SLC31A1: variants seen among roughly 807,000 people sequenced by gnomAD.
SLC31A1 encodes high affinity copper uptake protein 1.
Under a neutral mutation model 17.2 loss-of-function variants are expected in SLC31A1, and 5 were observed. The ratio of observed to expected loss-of-function variants is 0.29; its 90% CI spans 0.15 to 0.61. The LOEUF (loss-of-function observed/expected upper bound fraction) is 0.61. Ranked by LOEUF, SLC31A1 falls within the 20% of genes least tolerant of loss-of-function variation. The pLI is 0.86. For synonymous variants in SLC31A1, 76 were observed against 78.8 expected, an observed-to-expected ratio of 0.96 and a Z score of 0.19; for missense variants, 161 against 241.4, an observed-to-expected ratio of 0.67 and a Z score of 2.21.
At chr9:113,230,375 G>A (rs1831388681) in intron 1 of SLC31A1, among the ~76,000 whole-genome samples, 1 of 152,076 alleles carries the variant, frequency 6.6e-6, no homozygotes, top group South Asian at 2.1e-4. Flanking sequence ...AGATCCTATG[G>A]CCTCAGCCTA....
At chr9:113,223,369 G>C in intron 1 of SLC31A1, 1 of 360,000 alleles carries the variant, frequency 2.8e-6, no homozygotes, top group South Asian at 2.2e-5. Flanking sequence ...CTAAATTCGT[G>C]TATCTTCAGA....
chr9:113,252,994 C>T (rs1268540552), intron 1 of SLC31A1, among the ~76,000 whole-genome samples: 22 of 143,360 alleles, frequency 1.5e-4, no homozygotes, highest in African/African-American at 5.5e-4. Flanking sequence ...TGCTCTGTAG[C>T]CCAAGCTGGA....
chr9:113,250,704 G>A (rs1831641316), intron 1 of SLC31A1, among the ~76,000 whole-genome samples: 2 of 150,430 alleles, frequency 1.3e-5, no homozygotes, highest in South Asian at 2.1e-4. Flanking sequence ...AAAAAAAAAA[G>A]GAATCCTAAG....
chr9:113,248,462 C>CTTT (rs34154634), intron 1 of SLC31A1, among the ~76,000 whole-genome samples: 5,500 of 86,524 alleles, frequency 0.064, 483 homozygotes, highest in African/African-American at 0.098. Flanking sequence ...GAAAGCAGTC[C>CTTT]TTTTTTTTTT....
At position 113,231,563 on chromosome 9, in the gene SLC31A1, CAA is replaced by C. The variant is rs11308804; in HGVS notation, c.-36+9898_-36+9899del. On this transcript the variant is annotated intron_variant, in intron 1 of 4. Coordinates refer to ENST00000374212, the MANE Select transcript of SLC31A1 (RefSeq NM_001859.4). ...GGGACAACAGAATATGATCTTGTCT[CAA>C]AAAAAAAAAAAATGGGGAAATTATT... Among the ~76,000 whole-genome samples the C allele has an allele frequency of 7.8e-3, 1,090 of 138,870 alleles. 4 individuals carry two copies. Among genetic ancestry groups the C allele is most frequent in the Non-Finnish European group, 0.012 (779 of 62,940 alleles). The allele number at this position is 138,870 out of a possible 152,430, so 91.1% of individuals were successfully genotyped here.
intron 1 of SLC31A1, among the ~76,000 whole-genome samples, chr9:113,251,217 G>A (rs1259605627): frequency 6.6e-6 from 1 of 152,138 alleles, no homozygotes; most frequent in Non-Finnish European, 1.5e-5. Context: ...GAGGTCAGGA[G>A]TTCAACACCA....
Position 113,260,298 on chromosome 9 carries a change from T to C in SLC31A1, c.398T>C (p.Leu133Pro). The C allele has an allele frequency of 6.2e-7, 1 of 1,614,108 alleles. No homozygotes were observed. Among genetic ancestry groups the C allele is most frequent in the Non-Finnish European group, 8.5e-7 (1 of 1,179,984 alleles). ...VGQQMLSFPH[L>P]LQTVLHIIQV... Reference sequence around the variant, plus strand: ...CAACAGATGCTGAGCTTTCCTCACCTCCTGCAAACAGTGCTGCACATCATC... The same window carrying C: ...CAACAGATGCTGAGCTTTCCTCACCCCCTGCAAACAGTGCTGCACATCATC... The change falls in exon 5 of 5, where the codon CTC becomes CCC. Residue 133 changes from leucine to proline, a missense_variant. Leu to Pro is a moderately conservative substitution (Grantham distance 98, BLOSUM62 -3). Transcript: ENST00000374212.
chr9:113,236,489 G>A (rs914477851), intron 1 of SLC31A1, among the ~76,000 whole-genome samples: 12 of 151,974 alleles, frequency 7.9e-5, no homozygotes, highest in Admixed American at 2.0e-4. Flanking sequence ...TCAACCTCCC[G>A]AGTAGCTGGG....
At chr9:113,249,775 C>T (rs1422743756) in intron 1 of SLC31A1, among the ~76,000 whole-genome samples, 1 of 152,010 alleles carries the variant, frequency 6.6e-6, no homozygotes. Flanking sequence ...GCAACCTACT[C>T]ATCTGACAAA....
rs869088669 is a variant in SLC31A1, at chr9:113,234,480, ATTT to A, written c.-36+12828_-36+12830del. ...GCATGAACCACCGCTCCTGGCCATC[ATTT>A]TTTTTTTTTTTTTTTTTTTTTTTTT... On this transcript the variant is annotated intron_variant, in intron 1 of 4. Coordinates refer to ENST00000374212, the MANE Select transcript of SLC31A1 (RefSeq NM_001859.4). Among the ~76,000 whole-genome samples, 33 of 60,242 alleles carry A rather than the reference ATTT, an allele frequency of 5.5e-4. 1 individual carries two copies. Among genetic ancestry groups the A allele is most frequent in the African/African-American group, 2.3e-3 (33 of 14,068 alleles). 39.5% of individuals were successfully genotyped at this position (60,242 alleles called of 152,430 possible). A position where few individuals can be genotyped will look rare whatever the true frequency, so the allele number is the denominator to read the frequency against.
intron 1 of SLC31A1, among the ~76,000 whole-genome samples, chr9:113,245,162 A>G (rs1831563173): frequency 6.6e-6 from 1 of 152,236 alleles, no homozygotes; most frequent in African/African-American, 2.4e-5. Context: ...CAGCTAGAAT[A>G]TCAAAAGGAT....
chr9:113,245,495 G>A (rs117231310), intron 1 of SLC31A1, among the ~76,000 whole-genome samples: 11 of 152,214 alleles, frequency 7.2e-5, no homozygotes, highest in Admixed American at 1.3e-4. Flanking sequence ...GCCAGCACCC[G>A]GGGAATGAGT....
chr9:113,248,462 CTTT>C (rs34154634), intron 1 of SLC31A1, among the ~76,000 whole-genome samples: 3 of 86,556 alleles, frequency 3.5e-5, no homozygotes, highest in African/African-American at 4.8e-5. Flanking sequence ...GAAAGCAGTC[CTTT>C]TTTTTTTTTT....
rs1392016555 is a variant in SLC31A1, at chr9:113,258,997, AG to A, written c.371+137del. Reference sequence around the variant, plus strand: ...TGACCTTGATCAAAACTGTCCTTGGAGGTTTGGGTTTGTAGGTCATGAGCAG... The same window carrying A: ...TGACCTTGATCAAAACTGTCCTTGGAGTTTGGGTTTGTAGGTCATGAGCAG... On this transcript the variant is annotated intron_variant, in intron 4 of 4. Coordinates refer to ENST00000374212, the MANE Select transcript of SLC31A1 (RefSeq NM_001859.4). This position sits in a 1 kb window ranked among gnomAD's most constrained non-coding sequence, Gnocchi z 4.8. The A allele has an allele frequency of 1.1e-4, 101 of 934,794 alleles. No homozygotes were observed. The South Asian group carries it at 1.3e-3, about 12-fold the overall frequency. 57.9% of individuals were successfully genotyped at this position (934,794 alleles called of 1,614,324 possible).
Position 113,256,386 on chromosome 9 carries a change from G to A in SLC31A1, c.129+109G>A, listed in dbSNP as rs1172498341. 16 of 1,318,320 alleles carry A rather than the reference G, an allele frequency of 1.2e-5. No individual in the cohort carries two copies. In the South Asian group the frequency reaches 2.1e-4, roughly 17 times the overall value. The allele number at this position is 1,318,320 out of a possible 1,614,324, so 81.7% of individuals were successfully genotyped here. A position where few individuals can be genotyped will look rare whatever the true frequency, so the allele number is the denominator to read the frequency against. On this transcript the variant is annotated intron_variant, in intron 2 of 4. Transcript: ENST00000374212. Reference sequence around the variant, plus strand: ...ATTATCTTTAAAGGTCAGTTTACCAGTGAGGATAACTAAAGCAGACCCAAG... The same window carrying A: ...ATTATCTTTAAAGGTCAGTTTACCAATGAGGATAACTAAAGCAGACCCAAG...
chr9:113,250,006 A>G (rs530956619), intron 1 of SLC31A1, among the ~76,000 whole-genome samples: 136 of 151,894 alleles, frequency 9.0e-4, no homozygotes, highest in African/African-American at 3.0e-3. Context: ...TAGAATGGCA[A>G]TCATTAAAAA....
In SLC31A1 at chr9:113,262,414, T is replaced by C. The variant is rs1831803968; in HGVS notation, c.*1941T>C. On this transcript the variant is annotated 3_prime_UTR_variant, in exon 5 of 5. Coordinates refer to ENST00000374212, the MANE Select transcript of SLC31A1 (RefSeq NM_001859.4). ...TGTCTTGTGCTGGTCTGTTAAATCCTGCCCTCCTTGGTGCTAGATCCAGTT... is the reference window on the plus strand; with the variant it reads ...TGTCTTGTGCTGGTCTGTTAAATCCCGCCCTCCTTGGTGCTAGATCCAGTT... 6.5e-6 allele frequency: 1 copy of C among 152,700 alleles called. No homozygotes were observed. Among genetic ancestry groups the C allele is most frequent in the African/African-American group, 2.4e-5 (1 of 41,462 alleles). The allele number at this position is 152,700 out of a possible 1,614,324, so 9.5% of individuals were successfully genotyped here.
rs1831753479 is a variant in SLC31A1, at chr9:113,258,548, A to G, written c.203-146A>G. The G allele has an allele frequency of 8.5e-6, 7 of 822,156 alleles. No individual in the cohort carries two copies. The highest frequency in any genetic ancestry group is 1.2e-5 in the Non-Finnish European group (6 of 492,576). 50.9% of individuals were successfully genotyped at this position (822,156 alleles called of 1,614,324 possible). On this transcript the variant is annotated intron_variant, in intron 3 of 4. Coordinates refer to ENST00000374212, the MANE Select transcript of SLC31A1 (RefSeq NM_001859.4). The surrounding 1 kb of genome is among the most constrained non-coding windows in gnomAD (Gnocchi z 4.8). ...GTTACACCATCTTAGCCGTTCTCCT[A>G]TCTGAGCAAGAGAAGAGGTAAAAAT... is the stretch of plus-strand genomic sequence containing the variant.
chr9:113,224,627 C>G (rs1405363227), intron 1 of SLC31A1, among the ~76,000 whole-genome samples: 1 of 152,196 alleles, frequency 6.6e-6, no homozygotes, highest in African/African-American at 2.4e-5. Flanking sequence ...GGGGTTTCTC[C>G]ATGTTGGTCA....
Sources: gnomAD v4.1 joint callset for allele counts (sites outside exome capture counted in the v4.1 genomes callset) on GRCh38, gnomAD v4.1.1 for gene constraint, Gnocchi (gnomAD v3.1) non-coding constraint, MANE v1.5 for transcripts, NCBI Gene and HGNC (gene_info 2026-07-23, HGNC 2026-07-21) for gene names.